Variants in PREX2 observed in about 807,000 individuals in gnomAD.
PREX2 encodes the protein phosphatidylinositol 3,4,5-trisphosphate-dependent Rac exchanger 2 protein.
In PREX2, 107 loss-of-function variants were observed where a neutral mutation model predicts 203.2. The observed-to-expected ratio is 0.53, with a 90% confidence interval of 0.45 to 0.62. The LOEUF (loss-of-function observed/expected upper bound fraction) is 0.62, where lower values mean the gene tolerates loss of function less well. PREX2 is among the 20% of genes least tolerant of loss of function. The pLI is 0.00. For synonymous variants in PREX2, 672 were observed against 663.6 expected (o/e 1.01, Z -0.19); for missense variants, 1,777 against 1,955.9 (o/e 0.91, Z 1.72).
At chr8:68,182,778 G>T (rs1185272131) in intron 35 of PREX2, among the ~76,000 whole-genome samples, 1 of 151,820 alleles carries the variant, frequency 6.6e-6, no homozygotes, top group Non-Finnish European at 1.5e-5. Context: ...ATGGGTCTCT[G>T]CCCACTGAGA....
chr8:68,041,790 T>G (rs1808204670), intron 7 of PREX2, among the ~76,000 whole-genome samples: 1 of 152,062 alleles, frequency 6.6e-6, no homozygotes, highest in African/African-American at 2.4e-5. Flanking sequence ...ATGAAATCTT[T>G]TTTCATTAAA....
At chr8:68,170,691 T>C (rs1475489021) in intron 35 of PREX2, among the ~76,000 whole-genome samples, 2 of 152,194 alleles carry the variant, frequency 1.3e-5, no homozygotes, top group Non-Finnish European at 2.9e-5. Flanking sequence ...GACGAAGAAA[T>C]TCAGGGGATG....
At chr8:68,128,857 A>C (rs1338989577) in intron 31 of PREX2, among the ~76,000 whole-genome samples, 1 of 152,222 alleles carries the variant, frequency 6.6e-6, no homozygotes, top group Non-Finnish European at 1.5e-5. Context: ...AAAGTACCAC[A>C]CTTGGAAATT....
intron 1 of PREX2, among the ~76,000 whole-genome samples, chr8:67,954,967 AC>A (rs2129016479): frequency 6.6e-6 from 1 of 151,854 alleles, no homozygotes; most frequent in Admixed American, 6.5e-5. Context: ...ACATGGTGAA[AC>A]CCCGTCTCTA....
Position 68,017,927 on chromosome 8 carries a change from T to C in PREX2, c.213+10T>C, listed in dbSNP as rs1013713695. 4 of 1,606,110 alleles carry C rather than the reference T, an allele frequency of 2.5e-6. No homozygotes were observed. Among genetic ancestry groups the C allele is most frequent in the Admixed American group, 3.3e-5 (2 of 59,912 alleles). On this transcript the variant is annotated intron_variant, in intron 2 of 39. Transcript: ENST00000288368. The stretch of plus-strand genomic sequence containing the variant: ...AGAAGAAACAGTGAAGGTGAGGAGG[T>C]ACAACTGGCCTTCAACCTGAGCATG...
intron 27 of PREX2, 138 bp from the exon 28 acceptor site, chr8:68,119,294 C>T: frequency 1.7e-6 from 1 of 576,398 alleles, no homozygotes; most frequent in Non-Finnish European, 3.0e-6. Flanking sequence ...GGAACTCTTT[C>T]TCTGAACATG....
intron 34 of PREX2, among the ~76,000 whole-genome samples, chr8:68,156,042 C>T (rs1811537912): frequency 6.6e-6 from 1 of 151,854 alleles, no homozygotes; most frequent in African/African-American, 2.4e-5. Context: ...CATTTTTTTA[C>T]TCTGACATGT....
chr8:67,997,932 AT>A (rs1318969574), intron 1 of PREX2, among the ~76,000 whole-genome samples: 3 of 152,258 alleles, frequency 2.0e-5, no homozygotes, highest in African/African-American at 7.2e-5. Flanking sequence ...TAATATTATT[AT>A]TTTAAGATTT....
At chr8:68,009,451 A>G (rs1807200997) in intron 1 of PREX2, among the ~76,000 whole-genome samples, 2 of 152,258 alleles carry the variant, frequency 1.3e-5, no homozygotes, top group South Asian at 4.1e-4. Flanking sequence ...ATAATAGTCT[A>G]CTGGCATCTC....
chr8:68,093,676 GC>G lies in PREX2; in HGVS notation c.2327del (p.Pro776LeufsTer13). On this transcript the variant is annotated frameshift_variant, in exon 21 of 40. Coordinates refer to ENST00000288368, the MANE Select transcript of PREX2 (RefSeq NM_024870.4). LOFTEE classifies it high-confidence loss of function. ...QEDLQKSHSK[P>X]PGDEAGDAFD... ...AAGACCTTCAAAAATCTCACTCCAA[GC>G]CCCCTGGAGATGAAGCAGGGGATGC... 6.2e-7 allele frequency: 1 copy of G among 1,610,912 alleles called. No homozygotes were observed. Among genetic ancestry groups the G allele is most frequent in the East Asian group, 2.2e-5 (1 of 44,804 alleles).
intron 1 of PREX2, among the ~76,000 whole-genome samples, chr8:67,980,115 A>G (rs975003302): frequency 2.0e-5 from 3 of 152,198 alleles, no homozygotes; most frequent in Non-Finnish European, 2.9e-5. Context: ...TTCTATGCAA[A>G]AGAGTAGCGT....
intron 37 of PREX2, among the ~76,000 whole-genome samples, chr8:68,205,734 G>A (rs573450942): frequency 6.6e-6 from 1 of 152,272 alleles, no homozygotes; most frequent in Admixed American, 6.5e-5. Context: ...GTAATTAGAA[G>A]CCAGAATAAA....
chr8:67,960,409 A>T (rs917445488), intron 1 of PREX2, among the ~76,000 whole-genome samples: 5 of 151,780 alleles, frequency 3.3e-5, no homozygotes, highest in African/African-American at 1.2e-4. Flanking sequence ...TTGTCTATCC[A>T]CAGACTGAGC....
At chr8:67,966,286 T>C (rs768024280) in intron 1 of PREX2, among the ~76,000 whole-genome samples, 7 of 152,182 alleles carry the variant, frequency 4.6e-5, no homozygotes, top group Non-Finnish European at 1.0e-4. Context: ...AGAAAATAAA[T>C]TGCCTATAGT....
intron 35 of PREX2, among the ~76,000 whole-genome samples, chr8:68,175,672 C>G (rs972689494): frequency 2.6e-5 from 4 of 152,074 alleles, no homozygotes; most frequent in African/African-American, 7.2e-5. Context: ...TGTTCCTGCT[C>G]TCATAATGAA....
intron 34 of PREX2, among the ~76,000 whole-genome samples, chr8:68,149,661 T>G (rs533947332): frequency 6.6e-5 from 10 of 152,218 alleles, no homozygotes; most frequent in Non-Finnish European, 1.3e-4. Context: ...TCCTGATCTG[T>G]CAGTGGTTTT....
intron 35 of PREX2, among the ~76,000 whole-genome samples, chr8:68,166,307 G>A (rs538490107): frequency 6.6e-6 from 1 of 152,326 alleles, no homozygotes; most frequent in African/African-American, 2.4e-5. Context: ...CCTGCTTTCA[G>A]AGAAAAACAC....
intron 35 of PREX2, among the ~76,000 whole-genome samples, chr8:68,162,762 A>G (rs755589236): frequency 5.1e-4 from 78 of 152,254 alleles, no homozygotes; most frequent in Non-Finnish European, 1.0e-3. Context: ...TTTATTTTGC[A>G]TTTTAGTTGG....
At chr8:68,204,745 C>T (rs1304348940) in intron 37 of PREX2, among the ~76,000 whole-genome samples, 1 of 128,352 alleles carries the variant, frequency 7.8e-6, no homozygotes, top group Non-Finnish European at 1.5e-5. Flanking sequence ...AGTGCAATGG[C>T]GTGATCTCGG....
Sources: gnomAD v4.1 joint callset for allele counts (sites outside exome capture counted in the v4.1 genomes callset) on GRCh38, gnomAD v4.1.1 for gene constraint, MANE v1.5 for transcripts, NCBI Gene and HGNC (gene_info 2026-07-23, HGNC 2026-07-21) for gene names.